Variants in GTF2E1 observed in about 807,000 individuals in gnomAD.
GTF2E1 encodes general transcription factor IIE subunit 1, also known as TFIIE alpha subunit.
A neutral mutation model predicts 34.9 loss-of-function variants in GTF2E1; 14 were observed. That is an observed-to-expected ratio of 0.40 (90% CI 0.27 to 0.63). GTF2E1 has a LOEUF of 0.63. Ranked by LOEUF, GTF2E1 falls within the 20% of genes least tolerant of loss-of-function variation. The pLI, the probability that GTF2E1 is intolerant of heterozygous loss-of-function variation, is 0.39. For synonymous variants in GTF2E1, 188 were observed against 192.9 expected (o/e 0.97, Z 0.21); for missense variants, 469 against 557.7 (o/e 0.84, Z 1.60).
chr3:120,773,766 T>C (rs967513200), intron 3 of GTF2E1, among the ~76,000 whole-genome samples: 9 of 152,208 alleles, frequency 5.9e-5, no homozygotes, highest in African/African-American at 2.2e-4. Flanking sequence ...ACATGAATTG[T>C]CATTTTTGTC....
intron 2 of GTF2E1, among the ~76,000 whole-genome samples, chr3:120,759,565 G>A (rs1055836181): frequency 6.6e-6 from 1 of 152,146 alleles, no homozygotes; most frequent in African/African-American, 2.4e-5. Context: ...GGTTTTTGTG[G>A]TGTTAGGTCT....
At chr3:120,744,258 G>A (rs1421680525) in intron 1 of GTF2E1, among the ~76,000 whole-genome samples, 2 of 152,218 alleles carry the variant, frequency 1.3e-5, no homozygotes, top group Non-Finnish European at 2.9e-5. Context: ...GGGGCTGCCA[G>A]TTTGAGAACT....
At chr3:120,743,567 C>T (rs1389068542) in intron 1 of GTF2E1, among the ~76,000 whole-genome samples, 1 of 152,024 alleles carries the variant, frequency 6.6e-6, no homozygotes, top group Non-Finnish European at 1.5e-5. Context: ...TAGAGATAGA[C>T]ATGGAGAAAG....
chr3:120,771,553 AC>A (rs542594416), intron 3 of GTF2E1, among the ~76,000 whole-genome samples: 46 of 152,016 alleles, frequency 3.0e-4, no homozygotes, highest in African/African-American at 9.2e-4. Context: ...GTGCTCTCCT[AC>A]TCTACCCTTT....
chr3:120,754,292 A>G (rs1375603697), intron 2 of GTF2E1, among the ~76,000 whole-genome samples: 1 of 152,216 alleles, frequency 6.6e-6, no homozygotes, highest in East Asian at 1.9e-4. Context: ...CCATAATGCC[A>G]GAGACAAATT....
chr3:120,746,581 T>G (rs998538599), intron 1 of GTF2E1, among the ~76,000 whole-genome samples: 4 of 152,040 alleles, frequency 2.6e-5, no homozygotes, highest in African/African-American at 7.2e-5. Context: ...GGTGGATCCC[T>G]TGAGCCCAGA....
At position 120,782,533 on chromosome 3, in the gene GTF2E1, C is replaced by T. The variant is rs185957995; in HGVS notation, c.*1063C>T. The T allele has an allele frequency of 2.0e-5, 3 of 152,330 alleles. No individual in the cohort carries two copies. Among genetic ancestry groups the T allele is most frequent in the Admixed American group, 6.5e-5 (1 of 15,312 alleles). 9.4% of individuals were successfully genotyped at this position (152,330 alleles called of 1,614,324 possible). A position where few individuals can be genotyped will look rare whatever the true frequency, so the allele number is the denominator to read the frequency against. On this transcript the variant is annotated 3_prime_UTR_variant, in exon 5 of 5. Transcript: ENST00000283875. Reference sequence around the variant, plus strand: ...GTTGAAGAGTGACAAGCATTGGTAACAGTGCCTTAGAACTGTGTCAGTTAG... The same window carrying T: ...GTTGAAGAGTGACAAGCATTGGTAATAGTGCCTTAGAACTGTGTCAGTTAG...
intron 4 of GTF2E1, among the ~76,000 whole-genome samples, chr3:120,780,221 T>C (rs1351545337): frequency 6.6e-6 from 1 of 152,230 alleles, no homozygotes. Context: ...AAATATCTGT[T>C]GTGGTAGAAC....
chr3:120,754,828 A>G (rs530082381), intron 2 of GTF2E1, among the ~76,000 whole-genome samples: 84 of 152,272 alleles, frequency 5.5e-4, no homozygotes, highest in Middle Eastern at 6.8e-3. Context: ...TATATTTAAT[A>G]AAATCTTAGA....
At chr3:120,751,060 A>G (rs1032622552) in intron 2 of GTF2E1, 60 bp downstream of exon 2, 30 of 1,033,522 alleles carry the variant, frequency 2.9e-5, no homozygotes, top group Non-Finnish European at 4.1e-5. Flanking sequence ...TTTTTCTTAA[A>G]TTGATTCATC....
At chr3:120,780,912 C>T (rs1370481029) in intron 4 of GTF2E1, 131 bp from the exon 5 acceptor site, 1 of 634,908 alleles carries the variant, frequency 1.6e-6, no homozygotes, top group Admixed American at 3.1e-5. Context: ...TGGATAGCAG[C>T]TCAAAAATGG....
intron 2 of GTF2E1, among the ~76,000 whole-genome samples, chr3:120,761,227 C>T (rs1379435064): frequency 1.3e-5 from 2 of 152,186 alleles, no homozygotes; most frequent in Non-Finnish European, 2.9e-5. Flanking sequence ...ATAGTATTCT[C>T]TGATGGTAGT....
At chr3:120,776,688 G>A in intron 4 of GTF2E1, 24 bp downstream of exon 4, 1 of 1,602,256 alleles carries the variant, frequency 6.2e-7, no homozygotes, top group Non-Finnish European at 8.5e-7. Flanking sequence ...TCAGTAAAAT[G>A]GATGTGTCTT....
chr3:120,769,427 T>C (rs1337176084), intron 2 of GTF2E1, among the ~76,000 whole-genome samples: 1 of 152,158 alleles, frequency 6.6e-6, no homozygotes, highest in Non-Finnish European at 1.5e-5. Context: ...ACTTAGAGAA[T>C]GTGGGCTTTT....
intron 4 of GTF2E1, among the ~76,000 whole-genome samples, chr3:120,777,811 T>C (rs1485888759): frequency 6.6e-6 from 1 of 152,236 alleles, no homozygotes; most frequent in African/African-American, 2.4e-5. Context: ...CTGAAACCTC[T>C]GCTTTCCGTG....
Position 120,750,960 on chromosome 3 carries a change from C to T in GTF2E1, c.408C>T (p.Phe136=). 1 of 1,613,626 alleles carries T rather than the reference C, an allele frequency of 6.2e-7. No homozygotes were observed. Among genetic ancestry groups the T allele is most frequent in the Non-Finnish European group, 8.5e-7 (1 of 1,179,592 alleles). Residue 136 remains phenylalanine (F), a synonymous_variant, in exon 2 of 5, where the codon TTC becomes TTT. Transcript: ENST00000283875. Reference sequence around the variant, plus strand: ...AATGTCCTGTCTGTAGTAGTACTTTCACAGACTTAGAAGCTAATCAGCTCT... The same window carrying T: ...AATGTCCTGTCTGTAGTAGTACTTTTACAGACTTAGAAGCTAATCAGCTCT... The part of the protein sequence containing the change: ...SFKCPVCSST[F]TDLEANQLFD...
intron 2 of GTF2E1, among the ~76,000 whole-genome samples, chr3:120,753,819 G>A (rs1709186786): frequency 6.6e-6 from 1 of 152,048 alleles, no homozygotes; most frequent in Non-Finnish European, 1.5e-5. Context: ...TTTCCATTTA[G>A]ATTTGCTTTT....
At chr3:120,744,087 A>G (rs1709083473) in intron 1 of GTF2E1, among the ~76,000 whole-genome samples, 1 of 152,128 alleles carries the variant, frequency 6.6e-6, no homozygotes, top group Non-Finnish European at 1.5e-5. Flanking sequence ...GCTTCAGCTT[A>G]TTGTTTCCAT....
intron 1 of GTF2E1, among the ~76,000 whole-genome samples, chr3:120,743,843 G>T (rs1709080124): frequency 6.6e-6 from 1 of 152,160 alleles, no homozygotes; most frequent in African/African-American, 2.4e-5. Context: ...GAGGGCAGAG[G>T]GTGCCTTCTT....
Sources: gnomAD v4.1 joint callset for allele counts (sites outside exome capture counted in the v4.1 genomes callset) on GRCh38, gnomAD v4.1.1 for gene constraint, MANE v1.5 for transcripts, NCBI Gene and HGNC (gene_info 2026-07-23, HGNC 2026-07-21) for gene names.